ROBO2: variants seen among roughly 807,000 people sequenced by gnomAD.
ROBO2 encodes roundabout guidance receptor 2.
In ROBO2, 53 loss-of-function variants were observed where a neutral mutation model predicts 160.8. That is an observed-to-expected ratio of 0.33 (90% CI 0.26 to 0.41). ROBO2 has a LOEUF of 0.41. Ranked by LOEUF, ROBO2 falls within the 10% of genes least tolerant of loss-of-function variation. ROBO2 has a pLI of 1.00. For missense variants in ROBO2, 1,577 were observed against 1,722.4 expected (o/e 0.92, Z 1.49); for synonymous variants, 664 against 611.7 (o/e 1.09, Z -1.26).
chr3:76,692,882 ACT>A lies in ROBO2; in HGVS notation c.110-405115_110-405114del, dbSNP rs68038906. ...AACACACTCACAAACACACTATATAACTCTCTCTCTCTCTCTCTATATATATA... is the reference window on the plus strand; with the variant it reads ...AACACACTCACAAACACACTATATAACTCTCTCTCTCTCTCTATATATATA... On this transcript the variant is annotated intron_variant, in intron 2 of 26. Coordinates refer to the ROBO2 transcript ENST00000487694. 1.9e-3 allele frequency among the ~76,000 whole-genome samples: 262 copies of A among 141,610 alleles called. 1 individual carries two copies. Among genetic ancestry groups the A allele is most frequent in the African/African-American group, 5.2e-3 (199 of 38,290 alleles). The allele number at this position is 141,610 out of a possible 152,430, so 92.9% of individuals were successfully genotyped here.
At chr3:76,180,808 A>G (rs931849482) in intron 2 of ROBO2, among the ~76,000 whole-genome samples, 16 of 152,094 alleles carry the variant, frequency 1.1e-4, no homozygotes, top group African/African-American at 2.2e-4. Context: ...GTGGTTTTCT[A>G]TATCATCAAG....
intron 2 of ROBO2, among the ~76,000 whole-genome samples, chr3:77,331,889 A>G (rs1190351739): frequency 6.6e-6 from 1 of 152,090 alleles, no homozygotes; most frequent in African/African-American, 2.4e-5. Flanking sequence ...TATTTTTAGT[A>G]GAGACGGGGT....
chr3:76,076,335 T>C (rs545319922), intron 2 of ROBO2, among the ~76,000 whole-genome samples: 3 of 152,220 alleles, frequency 2.0e-5, no homozygotes, highest in Non-Finnish European at 4.4e-5. Context: ...ACAACTGTTT[T>C]AGTCTTAAGA....
intron 2 of ROBO2, among the ~76,000 whole-genome samples, chr3:75,996,395 G>T (rs2065726423): frequency 1.3e-5 from 2 of 152,166 alleles, no homozygotes; most frequent in African/African-American, 4.8e-5. Context: ...GCTGCCCTGT[G>T]AAGAGGTGAC....
chr3:76,295,999 A>T (rs1709053573), intron 2 of ROBO2, among the ~76,000 whole-genome samples: 1 of 152,158 alleles, frequency 6.6e-6, no homozygotes, highest in Non-Finnish European at 1.5e-5. Flanking sequence ...CTGAAAAATG[A>T]CCTCTCCACA....
chr3:76,110,798 A>G (rs1196358958), intron 2 of ROBO2, among the ~76,000 whole-genome samples: 10 of 152,064 alleles, frequency 6.6e-5, no homozygotes, highest in African/African-American at 1.9e-4. Flanking sequence ...TAAAAATTCA[A>G]TTAATTAGTT....
intron 2 of ROBO2, among the ~76,000 whole-genome samples, chr3:75,938,785 T>C (rs969375966): frequency 6.6e-6 from 1 of 152,196 alleles, no homozygotes; most frequent in Non-Finnish European, 1.5e-5. Flanking sequence ...TAGTTGTATA[T>C]ACATGTAAGC....
chr3:75,997,322 A>T (rs2065757139), intron 2 of ROBO2, among the ~76,000 whole-genome samples: 2 of 152,088 alleles, frequency 1.3e-5, no homozygotes, highest in Non-Finnish European at 2.9e-5. Flanking sequence ...TGAATTTCTT[A>T]TTTGCTAGTT....
At chr3:76,268,820 T>A (rs3887039) in intron 2 of ROBO2, among the ~76,000 whole-genome samples, 47 of 152,046 alleles carry the variant, frequency 3.1e-4, no homozygotes, top group Middle Eastern at 3.4e-3. Flanking sequence ...AGGCAACATG[T>A]AGCCCTGAGT....
intron 2 of ROBO2, among the ~76,000 whole-genome samples, chr3:77,433,856 C>T (rs916750490): frequency 3.9e-5 from 6 of 152,000 alleles, no homozygotes; most frequent in African/African-American, 1.4e-4. Flanking sequence ...TTGTCCCTTC[C>T]CTTTCCCTTA....
intron 2 of ROBO2, among the ~76,000 whole-genome samples, chr3:76,601,092 A>G (rs1329929815): frequency 6.6e-6 from 1 of 152,204 alleles, no homozygotes; most frequent in African/African-American, 2.4e-5. Context: ...CTTTGACTCC[A>G]TGTCTCACAT....
At chr3:76,095,561 G>T (rs958937870) in intron 2 of ROBO2, among the ~76,000 whole-genome samples, 1 of 152,072 alleles carries the variant, frequency 6.6e-6, no homozygotes, top group Non-Finnish European at 1.5e-5. Context: ...CTCCATGGTT[G>T]TCTATATATG....
chr3:76,706,120 G>A (rs1187750074), intron 2 of ROBO2, among the ~76,000 whole-genome samples: 1 of 151,924 alleles, frequency 6.6e-6, no homozygotes, highest in East Asian at 1.9e-4. Context: ...ATAACAATTG[G>A]CATTTTAACT....
At chr3:75,989,721 A>T (rs2065512423) in intron 2 of ROBO2, among the ~76,000 whole-genome samples, 1 of 152,250 alleles carries the variant, frequency 6.6e-6, no homozygotes, top group Non-Finnish European at 1.5e-5. Context: ...ATGTCAATAC[A>T]AAATAAAATT....
At position 77,240,083 on chromosome 3, in the gene ROBO2, G is replaced by A. The variant is rs2151359295; in HGVS notation, c.388+141743G>A. 3.3e-5 allele frequency among the ~76,000 whole-genome samples: 5 copies of A among 152,276 alleles called. 1 individual carries two copies. Among genetic ancestry groups the A allele is most frequent in the Middle Eastern group, 6.8e-3 (2 of 294 alleles). Reference sequence around the variant, plus strand: ...CGGAGCTGCCAGCCAGTCCCATGCTGCGCTCCTGCACTCCTCAACCCTTGG... The same window carrying A: ...CGGAGCTGCCAGCCAGTCCCATGCTACGCTCCTGCACTCCTCAACCCTTGG... On this transcript the variant is annotated intron_variant, in intron 2 of 25. Transcript: ENST00000461745.
At chr3:76,914,731 G>A (rs2076204885) in intron 2 of ROBO2, among the ~76,000 whole-genome samples, 1 of 152,030 alleles carries the variant, frequency 6.6e-6, no homozygotes, top group South Asian at 2.1e-4. Context: ...CCAAGATGAA[G>A]GAAAATAGAG....
intron 2 of ROBO2, among the ~76,000 whole-genome samples, chr3:76,172,824 A>G (rs1484601737): frequency 2.6e-5 from 4 of 152,152 alleles, no homozygotes; most frequent in Non-Finnish European, 5.9e-5. Context: ...TTATAAATGG[A>G]AATTTTGCCA....
At chr3:76,676,677 G>A (rs2092418076) in intron 2 of ROBO2, among the ~76,000 whole-genome samples, 1 of 151,956 alleles carries the variant, frequency 6.6e-6, no homozygotes, top group Non-Finnish European at 1.5e-5. Context: ...TTCATGCCAT[G>A]CCCCAAGTGT....
At chr3:76,707,030 A>ATG (rs2093177481) in intron 2 of ROBO2, among the ~76,000 whole-genome samples, 1 of 151,962 alleles carries the variant, frequency 6.6e-6, no homozygotes, top group South Asian at 2.1e-4. Context: ...ATATATATAT[A>ATG]TTCTAATGTG....
Sources: allele counts gnomAD v4.1 joint callset (sites outside exome capture counted in the v4.1 genomes callset), GRCh38; gene constraint gnomAD v4.1.1; transcripts MANE v1.5; gene names NCBI Gene and HGNC (gene_info 2026-07-23, HGNC 2026-07-21).